Variants in CNOT6L observed in about 807,000 individuals in gnomAD.
The protein encoded by CNOT6L is CCR4-NOT transcription complex subunit 6-like.
A neutral mutation model predicts 64.0 loss-of-function variants in CNOT6L; 7 were observed. The observed-to-expected ratio is 0.11, with a 90% CI of 0.06 to 0.21. The LOEUF is 0.21. Ranked by LOEUF, CNOT6L falls within the 10% of genes least tolerant of loss-of-function variation. The pLI, the probability that CNOT6L is intolerant of heterozygous loss-of-function variation, is 1.00. For missense variants in CNOT6L, 245 were observed against 669.0 expected, an observed-to-expected ratio of 0.37 and a Z score of 6.99; for synonymous variants, 193 against 243.4, an observed-to-expected ratio of 0.79 and a Z score of 1.93.
intron 1 of CNOT6L, among the ~76,000 whole-genome samples, chr4:77,802,666 A>G (rs1266132472): frequency 6.6e-6 from 1 of 152,206 alleles, no homozygotes; most frequent in Non-Finnish European, 1.5e-5. Flanking sequence ...ATGTGGCCAG[A>G]TGGTATGCTA....
At chr4:77,738,695 G>A (rs1723242043) in intron 8 of CNOT6L, among the ~76,000 whole-genome samples, 1 of 150,122 alleles carries the variant, frequency 6.7e-6, no homozygotes, top group South Asian at 2.1e-4. Context: ...GGAGGTTGCA[G>A]TGGGCCAAGA....
chr4:77,776,506 T>C, intron 1 of CNOT6L, 114 bp from the exon 2 acceptor site: 1 of 687,680 alleles, frequency 1.5e-6, no homozygotes, highest in Non-Finnish European at 2.3e-6. Context: ...GTAAGTCATT[T>C]TATACTACAA....
intron 4 of CNOT6L, among the ~76,000 whole-genome samples, chr4:77,765,207 C>T (rs1263783624): frequency 6.6e-6 from 1 of 151,408 alleles, no homozygotes; most frequent in Non-Finnish European, 1.5e-5. Flanking sequence ...AGACAGTTAC[C>T]CTATATGGTC....
chr4:77,737,974 C>T (rs970701814), intron 8 of CNOT6L, among the ~76,000 whole-genome samples: 2 of 151,968 alleles, frequency 1.3e-5, no homozygotes, highest in Non-Finnish European at 2.9e-5. Context: ...ACTGAGAGAC[C>T]AGTGAGATGG....
chr4:77,727,251 T>TC (rs1304204309), intron 10 of CNOT6L, among the ~76,000 whole-genome samples: 1 of 151,922 alleles, frequency 6.6e-6, no homozygotes. Flanking sequence ...ATAACATGAT[T>TC]CCCCCCTTGT....
At chr4:77,754,264 A>G (rs1560590164) in intron 5 of CNOT6L, among the ~76,000 whole-genome samples, 1 of 152,226 alleles carries the variant, frequency 6.6e-6, no homozygotes, top group African/African-American at 2.4e-5. Context: ...AAATATACAA[A>G]ACTCAATTGT....
intron 4 of CNOT6L, among the ~76,000 whole-genome samples, chr4:77,765,816 T>C (rs1214395638): frequency 6.6e-6 from 1 of 152,194 alleles, no homozygotes; most frequent in Non-Finnish European, 1.5e-5. Flanking sequence ...ATTACTATCA[T>C]GTAACTGTTA....
chr4:77,719,840 T>C lies in CNOT6L; in HGVS notation c.*591A>G, dbSNP rs1473588148. The C allele has an allele frequency of 6.6e-6, 1 of 152,664 alleles. No homozygotes were observed. The highest frequency in any genetic ancestry group is 1.5e-5 in the Non-Finnish European group (1 of 68,052). 9.5% of individuals were successfully genotyped at this position (152,664 alleles called of 1,614,324 possible). A position where few individuals can be genotyped will look rare whatever the true frequency, so the allele number is the denominator to read the frequency against. ...GGTGTTACATGCTGGATTATAAAAG[T>C]ATACTGTGCAACCATCTTTAATTTT... is the stretch of plus-strand genomic sequence containing the variant. On this transcript the variant is annotated 3_prime_UTR_variant, in exon 12 of 12. Transcript: ENST00000504123.
intron 5 of CNOT6L, among the ~76,000 whole-genome samples, chr4:77,750,497 G>A (rs908192510): frequency 2.0e-5 from 3 of 151,834 alleles, no homozygotes; most frequent in Admixed American, 6.6e-5. Flanking sequence ...GACTACTGGC[G>A]CCCACCACCA....
intron 4 of CNOT6L, among the ~76,000 whole-genome samples, chr4:77,765,423 T>A (rs1284255335): frequency 1.3e-5 from 2 of 152,190 alleles, no homozygotes; most frequent in Non-Finnish European, 2.9e-5. Flanking sequence ...GAAATAGTAG[T>A]TAACATCTTC....
At chr4:77,815,238 A>T (rs1733430748) in intron 1 of CNOT6L, among the ~76,000 whole-genome samples, 1 of 152,222 alleles carries the variant, frequency 6.6e-6, no homozygotes, top group Admixed American at 6.5e-5. Context: ...ATTTCAAAAT[A>T]CAAAGAGAAA....
chr4:77,754,236 A>C (rs1451929447), intron 5 of CNOT6L, among the ~76,000 whole-genome samples: 5 of 152,216 alleles, frequency 3.3e-5, no homozygotes, highest in African/African-American at 1.2e-4. Context: ...GTGTTTAGGA[A>C]GATGACTGAA....
In CNOT6L at chr4:77,795,193, A is replaced by ATT. The variant is rs1487532358; in HGVS notation, c.6-18803_6-18802dup. On this transcript the variant is annotated intron_variant, in intron 1 of 11. Coordinates refer to ENST00000504123, the MANE Select transcript of CNOT6L (RefSeq NM_144571.3). ...CGCCACCACGGCTGGCTAATTTTGT[A>ATT]TTTTTAGTAGAGACGGGGTTTCTCC... is the stretch of plus-strand genomic sequence containing the variant. Among the ~76,000 whole-genome samples, 3 of 151,754 alleles carry ATT rather than the reference A, an allele frequency of 2.0e-5. No homozygotes were observed. The East Asian group carries it at 5.8e-4, about 29-fold the overall frequency.
intron 1 of CNOT6L, among the ~76,000 whole-genome samples, chr4:77,789,547 C>A (rs959919490): frequency 2.7e-5 from 4 of 149,866 alleles, no homozygotes; most frequent in Middle Eastern, 7.4e-3. Flanking sequence ...GTGGTGCATG[C>A]CTGTAGTCCC....
chr4:77,754,313 C>A (rs1725208186), intron 5 of CNOT6L, among the ~76,000 whole-genome samples: 1 of 152,206 alleles, frequency 6.6e-6, no homozygotes, highest in South Asian at 2.1e-4. Context: ...TTAGATAAAT[C>A]TTTAAAATGA....
intron 4 of CNOT6L, among the ~76,000 whole-genome samples, chr4:77,761,776 A>G (rs571195812): frequency 1.3e-5 from 2 of 152,318 alleles, no homozygotes; most frequent in South Asian, 4.1e-4. Flanking sequence ...AGCCAATGTG[A>G]TAAAGCAAGA....
intron 1 of CNOT6L, among the ~76,000 whole-genome samples, chr4:77,798,416 G>C (rs2110133469): frequency 6.6e-6 from 1 of 152,186 alleles, no homozygotes; most frequent in East Asian, 1.9e-4. Flanking sequence ...ATAAAGAACT[G>C]TCAAAATTCA....
intron 1 of CNOT6L, among the ~76,000 whole-genome samples, chr4:77,802,773 G>A (rs1731740614): frequency 1.3e-5 from 2 of 152,186 alleles, no homozygotes; most frequent in Admixed American, 6.5e-5. Flanking sequence ...CAGAGAAGTT[G>A]TGCAGACATC....
intron 1 of CNOT6L, among the ~76,000 whole-genome samples, chr4:77,806,747 C>T (rs1414730459): frequency 6.6e-6 from 1 of 152,166 alleles, no homozygotes; most frequent in East Asian, 1.9e-4. Flanking sequence ...CCTCCACGAT[C>T]ATTCTCCAAT....
Sources: gnomAD v4.1 joint callset for allele counts (sites outside exome capture counted in the v4.1 genomes callset) on GRCh38, gnomAD v4.1.1 for gene constraint, MANE v1.5 for transcripts, NCBI Gene and HGNC (gene_info 2026-07-23, HGNC 2026-07-21) for gene names.